RNFT2: variants seen among roughly 807,000 people sequenced by gnomAD.
RNFT2 encodes the protein E3 ubiquitin-protein ligase RNFT2.
RNFT2 carries 36 observed loss-of-function variants against 53.0 expected under a neutral mutation model. The observed-to-expected ratio is 0.68, with a 90% confidence interval of 0.52 to 0.90. RNFT2 has a LOEUF of 0.90. Ranked by LOEUF, RNFT2 falls within the 40% of genes least tolerant of loss-of-function variation. The pLI is 0.00. For synonymous variants in RNFT2, 260 were observed against 253.2 expected, an observed-to-expected ratio of 1.03 and a Z score of -0.26; for missense variants, 514 against 585.6, an observed-to-expected ratio of 0.88 and a Z score of 1.26.
intron 7 of RNFT2, among the ~76,000 whole-genome samples, chr12:116,806,579 C>G (rs1875091756): frequency 6.6e-6 from 1 of 151,686 alleles, no homozygotes; most frequent in Admixed American, 6.6e-5. Flanking sequence ...GACACCTTCT[C>G]TATAAAAAAA....
At chr12:116,775,148 T>C (rs1213404604) in intron 6 of RNFT2, among the ~76,000 whole-genome samples, 1 of 150,870 alleles carries the variant, frequency 6.6e-6, no homozygotes, top group Non-Finnish European at 1.5e-5. Context: ...TAATCCCAGC[T>C]ACTTGGAAGG....
intron 7 of RNFT2, among the ~76,000 whole-genome samples, chr12:116,830,209 A>G (rs1391126036): frequency 6.6e-6 from 1 of 152,132 alleles, no homozygotes; most frequent in Non-Finnish European, 1.5e-5. Flanking sequence ...GAACATCAAT[A>G]CTGTTACTAC....
chr12:116,742,581 G>A (rs1472273223), intron 3 of RNFT2, among the ~76,000 whole-genome samples: 1 of 152,128 alleles, frequency 6.6e-6, no homozygotes, highest in Non-Finnish European at 1.5e-5. Context: ...GCCTCAAGGT[G>A]CTCTTTAGTT....
chr12:116,789,960 G>GGATGGA (rs1555261851), intron 7 of RNFT2, among the ~76,000 whole-genome samples: 3 of 146,172 alleles, frequency 2.1e-5, no homozygotes, highest in Admixed American at 6.8e-5. Flanking sequence ...GGATGGGTGG[G>GGATGGA]TGGATGGATG....
At chr12:116,834,835 A>G (rs1002396365) in intron 8 of RNFT2, among the ~76,000 whole-genome samples, 3 of 149,314 alleles carry the variant, frequency 2.0e-5, no homozygotes, top group Non-Finnish European at 3.0e-5. Context: ...TTCAAGGTAC[A>G]TACTATTATT....
intron 6 of RNFT2, among the ~76,000 whole-genome samples, chr12:116,769,232 G>A (rs1044856428): frequency 3.3e-5 from 5 of 152,108 alleles, no homozygotes; most frequent in Middle Eastern, 3.2e-3. Flanking sequence ...GGTAGCAGGT[G>A]CCTGTAATTC....
chr12:116,754,254 T>A (rs984310575), intron 5 of RNFT2, among the ~76,000 whole-genome samples, 194 bp downstream of exon 5: 1 of 152,212 alleles, frequency 6.6e-6, no homozygotes, highest in Non-Finnish European at 1.5e-5. Context: ...TCACTTAGAA[T>A]AATAGTTTCC....
intron 6 of RNFT2, 55 bp from the exon 7 acceptor site, chr12:116,779,140 G>C: frequency 6.3e-7 from 1 of 1,587,974 alleles, no homozygotes; most frequent in South Asian, 1.1e-5. Flanking sequence ...AGTAGAAGGA[G>C]CTGCTGAGGC....
At chr12:116,766,194 A>C (rs953500063) in intron 5 of RNFT2, among the ~76,000 whole-genome samples, 3 of 152,256 alleles carry the variant, frequency 2.0e-5, no homozygotes, top group Admixed American at 2.0e-4. Flanking sequence ...AGGCAGGAGG[A>C]TCACTTGAGC....
rs553696682 is a variant in RNFT2 at position 116,808,756 on chromosome 12, G to A, written c.883-25036G>A. On this transcript the variant is annotated intron_variant, in intron 7 of 10. Transcript: ENST00000257575. The stretch of plus-strand genomic sequence containing the variant: ...ATACTGTTTGTTTTTAATGGCAAAC[G>A]GCAGGGAGGAGGGGCGGTCAGGCCT... Among the ~76,000 whole-genome samples the A allele has an allele frequency of 3.9e-5, 6 of 152,228 alleles. No individual in the cohort carries two copies. In the East Asian group the frequency reaches 5.8e-4, roughly 15 times the overall value.
chr12:116,783,133 A>G (rs550090460), intron 7 of RNFT2, among the ~76,000 whole-genome samples: 2 of 152,234 alleles, frequency 1.3e-5, no homozygotes, highest in East Asian at 3.9e-4. Flanking sequence ...TAGGAGATAC[A>G]CACTCTTATA....
rs531916643 is a variant in RNFT2, at chr12:116,794,464, G to T, written c.882+15116G>T. ...AACACAAAAATTAGTCAGGTGTGGT[G>T]GTGCACACCTGCAATCCCAGCTACG... is the stretch of plus-strand genomic sequence containing the variant. On this transcript the variant is annotated intron_variant, in intron 7 of 10. Transcript: ENST00000257575. Among the ~76,000 whole-genome samples the T allele has an allele frequency of 8.6e-5, 13 of 151,280 alleles. No individual in the cohort carries two copies. In the South Asian group the frequency reaches 2.5e-3, roughly 29 times the overall value.
intron 4 of RNFT2, among the ~76,000 whole-genome samples, chr12:116,750,826 TATAATATATATATTATATATATATA>T (rs1566069345): frequency 1.1e-4 from 10 of 94,494 alleles, no homozygotes; most frequent in African/African-American, 3.0e-4. Context: ...ATATTATATA[TATAATATATATATTATATATATATA>T]ATATATATTA....
intron 5 of RNFT2, among the ~76,000 whole-genome samples, chr12:116,760,690 G>A (rs1380247807): frequency 6.6e-6 from 1 of 152,112 alleles, no homozygotes; most frequent in African/African-American, 2.4e-5. Flanking sequence ...GTTTTGGGGG[G>A]CTCTCCTGGG....
Position 116,740,469 on chromosome 12 carries a change from A to G in RNFT2, c.-29A>G. The G allele has an allele frequency of 6.4e-7, 1 of 1,566,728 alleles. No homozygotes were observed. Among genetic ancestry groups the G allele is most frequent in the Non-Finnish European group, 8.7e-7 (1 of 1,154,278 alleles). On this transcript the variant is annotated 5_prime_UTR_variant, in exon 2 of 11. Transcript: ENST00000257575. ...TGAGGATTCCCGAATGCCTACCTCCAGTGTCGTCAACATGGAGTTCTGAAG... is the reference window on the plus strand; with the variant it reads ...TGAGGATTCCCGAATGCCTACCTCCGGTGTCGTCAACATGGAGTTCTGAAG...
At chr12:116,827,543 C>T (rs1162966339) in intron 7 of RNFT2, among the ~76,000 whole-genome samples, 2 of 152,220 alleles carry the variant, frequency 1.3e-5, no homozygotes, top group Admixed American at 6.5e-5. Flanking sequence ...GAACAGACCA[C>T]AGGTCAGAAA....
rs763755624 is a variant in RNFT2, at chr12:116,849,378, G to A, written c.1265G>A (p.Arg422His). 8 of 1,556,150 alleles carry A rather than the reference G, an allele frequency of 5.1e-6. No homozygotes were observed. In the Admixed American group the frequency reaches 7.7e-5, roughly 15 times the overall value. Residue 422 changes from arginine (R) to histidine (H), a missense_variant, in exon 11 of 11, where the codon CGC becomes CAC. Around this residue, in one of 3 missense-constraint regions of RNFT2, gnomAD observed 273 missense variants for 334.4 expected, o/e 0.82. Coordinates refer to ENST00000257575, the MANE Select transcript of RNFT2 (RefSeq NM_001382266.1). ...CGTGAGCGCACCTGCCCGCTCTGCC[G>A]CTCGGTCGCCGTGGACACCCTGCGC... ...LDRERTCPLC[R>H]SVAVDTLRCW... is the part of the protein sequence containing the mutation.
Position 116,849,594 on chromosome 12 carries a change from G to A in RNFT2, c.*146G>A. 1 of 1,409,530 alleles carries A rather than the reference G, an allele frequency of 7.1e-7. No individual in the cohort carries two copies. Among genetic ancestry groups the A allele is most frequent in the Non-Finnish European group, 9.3e-7 (1 of 1,080,070 alleles). The allele number at this position is 1,409,530 out of a possible 1,614,324, so 87.3% of individuals were successfully genotyped here. A position where few individuals can be genotyped will look rare whatever the true frequency, so the allele number is the denominator to read the frequency against. On this transcript the variant is annotated 3_prime_UTR_variant, in exon 11 of 11. Coordinates refer to ENST00000257575, the MANE Select transcript of RNFT2 (RefSeq NM_001382266.1). ...CCTCTGACCCCAAAGTCCCGCCCCT[G>A]TCTTGTCCTTCTGACCTTCATCTTC...
intron 7 of RNFT2, among the ~76,000 whole-genome samples, chr12:116,806,708 A>G (rs1875099561): frequency 6.7e-6 from 1 of 150,000 alleles, no homozygotes; most frequent in Admixed American, 6.7e-5. Context: ...TCATGCCACT[A>G]TACTCTCCAC....
Sources: gnomAD v4.1 joint callset for allele counts (sites outside exome capture counted in the v4.1 genomes callset) on GRCh38, gnomAD v4.1.1 for gene constraint, gnomAD v4.1.1 regional missense constraint, MANE v1.5 for transcripts, NCBI Gene and HGNC (gene_info 2026-07-23, HGNC 2026-07-21) for gene names.